SNW1: variants seen among roughly 807,000 people sequenced by gnomAD.
The protein encoded by SNW1 is SNW domain containing 1, also known as SNW domain-containing protein 1.
In SNW1, 9 loss-of-function variants were observed where a neutral mutation model predicts 75.6. The ratio of observed to expected loss-of-function variants is 0.12; its 90% CI spans 0.07 to 0.21. The LOEUF (loss-of-function observed/expected upper bound fraction) is 0.21, where lower values mean the gene tolerates loss of function less well. SNW1 is among the 10% of genes least tolerant of loss of function. The pLI is 1.00. For synonymous variants in SNW1, 200 were observed against 219.1 expected (o/e 0.91, Z 0.77); for missense variants, 409 against 670.9 (o/e 0.61, Z 4.31).
intron 2 of SNW1, 98 bp downstream of exon 2, chr14:77,754,869 T>A: frequency 9.3e-7 from 1 of 1,074,678 alleles, no homozygotes; most frequent in South Asian, 1.8e-5. Context: ...CACACTGACA[T>A]TCATAATCAG....
In SNW1 at chr14:77,717,740, C is replaced by A; in HGVS notation, c.*348G>T. ...CAGTATGTGAACATCTTCCTCCTCA[C>A]TGTGGTTGGGGTAACTTTACTCATA... On this transcript the variant is annotated 3_prime_UTR_variant, in exon 14 of 14. Coordinates refer to ENST00000261531, the MANE Select transcript of SNW1 (RefSeq NM_012245.3). The A allele has an allele frequency of 1.6e-6, 1 of 626,836 alleles. No homozygotes were observed. The highest frequency in any genetic ancestry group is 2.7e-5 in the East Asian group (1 of 36,620). 38.8% of individuals were successfully genotyped at this position (626,836 alleles called of 1,614,324 possible).
At chr14:77,718,786 A>G (rs1341410574) in intron 12 of SNW1, among the ~76,000 whole-genome samples, 2 of 149,422 alleles carry the variant, frequency 1.3e-5, no homozygotes, top group African/African-American at 2.5e-5. Context: ...ATCTTGGCTC[A>G]CTGCAGCCAC....
At chr14:77,759,348 TA>T (rs971307244) in intron 1 of SNW1, among the ~76,000 whole-genome samples, 15 of 151,192 alleles carry the variant, frequency 9.9e-5, no homozygotes, top group Non-Finnish European at 1.9e-4. Context: ...CCATCTCTAC[TA>T]AAAAAAACAA....
At position 77,718,166 on chromosome 14, in the gene SNW1, A is replaced by G; in HGVS notation, c.1533T>C (p.His511=). The change falls in exon 14 of 14, where the codon CAT becomes CAC. Residue 511 remains histidine, a synonymous_variant. Coordinates refer to ENST00000261531, the MANE Select transcript of SNW1 (RefSeq NM_012245.3). The part of the protein sequence containing the change: ...LDKFLEEAKQ[H]GGSKRPSDSS... ...TATCTGAGGGTCTTTTAGAGCCACC[A>G]TGCTGTTTGGCTTCTTCCAAAAACT... 2 of 1,613,850 alleles carry G rather than the reference A, an allele frequency of 1.2e-6. No individual in the cohort carries two copies. Among genetic ancestry groups the G allele is most frequent in the Non-Finnish European group, 1.7e-6 (2 of 1,179,918 alleles).
intron 2 of SNW1, among the ~76,000 whole-genome samples, chr14:77,752,086 A>T (rs2080813664): frequency 6.6e-6 from 1 of 152,300 alleles, no homozygotes; most frequent in Non-Finnish European, 1.5e-5. Context: ...ACTAAGTAAA[A>T]TGGCTAGGAC....
At chr14:77,756,709 C>T (rs2080844560) in intron 1 of SNW1, among the ~76,000 whole-genome samples, 1 of 152,126 alleles carries the variant, frequency 6.6e-6, no homozygotes, top group Admixed American at 6.5e-5. Flanking sequence ...CATGGTGAAA[C>T]CCTGTCTCTA....
At chr14:77,728,795 C>T (rs898705593) in intron 10 of SNW1, among the ~76,000 whole-genome samples, 1 of 152,158 alleles carries the variant, frequency 6.6e-6, no homozygotes, top group Non-Finnish European at 1.5e-5. Flanking sequence ...AATAGTATCA[C>T]TACATAGGGT....
chr14:77,760,249 C>T (rs1322105476), intron 1 of SNW1, among the ~76,000 whole-genome samples: 1 of 151,524 alleles, frequency 6.6e-6, no homozygotes, highest in East Asian at 1.9e-4. Flanking sequence ...TGTCATCAGC[C>T]AGAAAAAAAA....
chr14:77,718,854 G>A lies in SNW1; in HGVS notation c.1249-324C>T, dbSNP rs145858338. On this transcript the variant is annotated intron_variant, in intron 12 of 13. Coordinates refer to ENST00000261531, the MANE Select transcript of SNW1 (RefSeq NM_012245.3). The stretch of plus-strand genomic sequence containing the variant: ...GCCTCCCAGGTAGCTGGGATTACAG[G>A]CATGTGCCACCACACCCAGCTAATT... Among the ~76,000 whole-genome samples, 1,227 of 152,260 alleles carry A rather than the reference G, an allele frequency of 8.1e-3. 17 individuals carry two copies. The highest frequency in any genetic ancestry group is 0.028 in the African/African-American group (1,167 of 41,576).
At chr14:77,734,049 G>T (rs10134425) in intron 8 of SNW1, 181,518 of 279,710 alleles carry the variant, frequency 0.65, 59,693 homozygotes, top group South Asian at 0.72. Flanking sequence ...TGTTTAGGGT[G>T]AGTATATAAA....
chr14:77,734,343 T>G (rs2080652719), intron 8 of SNW1, among the ~76,000 whole-genome samples: 1 of 152,260 alleles, frequency 6.6e-6, no homozygotes, highest in Admixed American at 6.5e-5. Context: ...AAATAATTTT[T>G]AGATATAAAT....
At position 77,718,115 on chromosome 14, in the gene SNW1, A is replaced by G. The variant is rs778819829; in HGVS notation, c.1584T>C (p.His528=). 6.3e-6 allele frequency: 10 copies of G among 1,597,828 alleles called. No individual in the cohort carries two copies. In the East Asian group the frequency reaches 1.3e-4, roughly 21 times the overall value. Residue 528 remains histidine, a synonymous_variant, in exon 14 of 14, where the codon CAT becomes CAC. Coordinates refer to ENST00000261531, the MANE Select transcript of SNW1 (RefSeq NM_012245.3). ...SDSSRPKEHE[H]EGKKRRKE ...ATTCCTTCCTCCTCTTCTTGCCTTCATGCTCGTGTTCCTTGGGGCGGCTGC... is the reference window on the plus strand; with the variant it reads ...ATTCCTTCCTCCTCTTCTTGCCTTCGTGCTCGTGTTCCTTGGGGCGGCTGC...
intron 1 of SNW1, chr14:77,760,692 G>A (rs748288307): frequency 2.8e-6 from 2 of 702,268 alleles, no homozygotes; most frequent in Non-Finnish European, 5.2e-6. Flanking sequence ...AGCGAAAGGA[G>A]AGAGACCACC....
intron 3 of SNW1, among the ~76,000 whole-genome samples, chr14:77,743,804 T>C (rs761283868): frequency 6.6e-6 from 1 of 152,118 alleles, no homozygotes; most frequent in Non-Finnish European, 1.5e-5. Context: ...ATGCTAAACA[T>C]TGTACAATGC....
At chr14:77,720,291 C>T (rs1314061971) in intron 12 of SNW1, among the ~76,000 whole-genome samples, 1 of 152,140 alleles carries the variant, frequency 6.6e-6, no homozygotes, top group African/African-American at 2.4e-5. Flanking sequence ...TGCACCACCA[C>T]ACCTGGCTAG....
intron 3 of SNW1, among the ~76,000 whole-genome samples, chr14:77,739,657 AT>A (rs1244237326): frequency 6.6e-6 from 1 of 151,916 alleles, no homozygotes; most frequent in Non-Finnish European, 1.5e-5. Flanking sequence ...TATACAACTT[AT>A]TTTATATCCA....
chr14:77,735,076 A>T (rs1431359656), intron 7 of SNW1, 64 bp from the exon 8 acceptor site: 1 of 1,200,642 alleles, frequency 8.3e-7, no homozygotes, highest in Admixed American at 1.9e-5. Flanking sequence ...ATCTAAGTAT[A>T]ATCTTTATCT....
intron 3 of SNW1, among the ~76,000 whole-genome samples, chr14:77,748,272 CGGAA>C: frequency 6.6e-6 from 1 of 152,236 alleles, no homozygotes. Flanking sequence ...ACAAACACTG[CGGAA>C]GGCCGCAGGG....
In SNW1 at chr14:77,753,000, A is replaced by G. The variant is rs2080819910; in HGVS notation, c.169-1520T>C. On this transcript the variant is annotated intron_variant, in intron 2 of 13. Coordinates refer to ENST00000261531, the MANE Select transcript of SNW1 (RefSeq NM_012245.3). ...TGCTTGGATTTGCTAGAGTTTTTCAACTATAATAAGTACTTCAGAACTGTA... is the reference window on the plus strand; with the variant it reads ...TGCTTGGATTTGCTAGAGTTTTTCAGCTATAATAAGTACTTCAGAACTGTA... Among the ~76,000 whole-genome samples, 4 of 152,216 alleles carry G rather than the reference A, an allele frequency of 2.6e-5. No homozygotes were observed. In the South Asian group the frequency reaches 8.3e-4, roughly 31 times the overall value.
Sources: allele counts gnomAD v4.1 joint callset (sites outside exome capture counted in the v4.1 genomes callset), GRCh38; gene constraint gnomAD v4.1.1; transcripts MANE v1.5; gene names NCBI Gene and HGNC (gene_info 2026-07-23, HGNC 2026-07-21).